The following SOX5 variants were observed in gnomAD, a reference collection of about 807,000 sequenced individuals.
The protein encoded by SOX5 is transcription factor SOX-5.
In SOX5, 9 loss-of-function variants were observed where a neutral mutation model predicts 92.0. The observed-to-expected ratio is 0.10, with a 90% CI of 0.06 to 0.17. SOX5 has a LOEUF of 0.17. SOX5 is among the 10% of genes least tolerant of loss of function. The pLI is 1.00. For missense variants in SOX5, 642 were observed against 944.5 expected (o/e 0.68, Z 4.20); for synonymous variants, 344 against 336.3 (o/e 1.02, Z -0.25).
intron 2 of SOX5, among the ~76,000 whole-genome samples, chr12:24,284,878 A>T (rs1945663879): frequency 6.6e-6 from 1 of 152,210 alleles, no homozygotes; most frequent in Admixed American, 6.5e-5. Flanking sequence ...TAATCCCAGC[A>T]CTTCGGGACG....
At chr12:24,376,689 C>CTTTTTTTTTTTTTTTTT (rs1480014070) in intron 1 of SOX5, among the ~76,000 whole-genome samples, 3 of 93,084 alleles carry the variant, frequency 3.2e-5, no homozygotes, top group Admixed American at 1.3e-4. Flanking sequence ...GGGAGAGATA[C>CTTTTTTTTTTTTTTTTT]CTTTTTTTTT....
intron 4 of SOX5, among the ~76,000 whole-genome samples, chr12:24,069,898 C>T (rs889896647): frequency 6.6e-6 from 1 of 152,194 alleles, no homozygotes; most frequent in Non-Finnish European, 1.5e-5. Context: ...ACAGCTACTA[C>T]ACAAATGGGG....
At chr12:24,058,078 A>G (rs1193273458) in intron 4 of SOX5, among the ~76,000 whole-genome samples, 1 of 152,260 alleles carries the variant, frequency 6.6e-6, no homozygotes, top group Non-Finnish European at 1.5e-5. Context: ...AGCTCAGCAT[A>G]GCTTTTATCT....
chr12:24,551,347 G>A (rs75738098), intron 1 of SOX5, among the ~76,000 whole-genome samples: 11 of 152,214 alleles, frequency 7.2e-5, no homozygotes, highest in African/African-American at 2.7e-4. Flanking sequence ...CTTGGTGACA[G>A]ACAATCAGAT....
At chr12:24,320,255 T>C (rs996026129) in intron 2 of SOX5, among the ~76,000 whole-genome samples, 3 of 152,248 alleles carry the variant, frequency 2.0e-5, no homozygotes, top group African/African-American at 7.2e-5. Flanking sequence ...TTTTATAAAA[T>C]GTTCCCTCCT....
At chr12:23,954,989 A>G (rs967047573), upstream of SOX5, among the ~76,000 whole-genome samples, 2 of 152,144 alleles carry the variant, frequency 1.3e-5, no homozygotes, top group African/African-American at 4.8e-5. Flanking sequence ...GATACATAAT[A>G]AAAGCCATTA....
chr12:23,599,524 CTT>C (rs755319896), intron 9 of SOX5, among the ~76,000 whole-genome samples: 4 of 152,242 alleles, frequency 2.6e-5, no homozygotes, highest in Non-Finnish European at 5.9e-5. Context: ...GGAATTCTCT[CTT>C]GTCATCAGCT....
intron 1 of SOX5, among the ~76,000 whole-genome samples, chr12:24,408,273 CA>C (rs1484369283): frequency 1.3e-5 from 2 of 152,142 alleles, no homozygotes; most frequent in Non-Finnish European, 2.9e-5. Flanking sequence ...GTGATGCTTT[CA>C]GATTTTAATC....
chr12:23,735,840 C>T (rs1346257409), intron 5 of SOX5, among the ~76,000 whole-genome samples: 1 of 152,158 alleles, frequency 6.6e-6, no homozygotes, highest in African/African-American at 2.4e-5. Context: ...TCTACATTTA[C>T]TTAATATTAT....
chr12:23,743,487 T>A (rs1483120554), intron 4 of SOX5, among the ~76,000 whole-genome samples: 3 of 152,052 alleles, frequency 2.0e-5, no homozygotes, highest in African/African-American at 7.2e-5. Flanking sequence ...TTTTTTTATA[T>A]TTTTAGTAGA....
At chr12:24,401,628 T>A (rs1566077104) in intron 1 of SOX5, among the ~76,000 whole-genome samples, 3 of 148,386 alleles carry the variant, frequency 2.0e-5, no homozygotes, top group Non-Finnish European at 4.4e-5. Flanking sequence ...GAGGATGAAT[T>A]CTGCCCAGGA....
At chr12:23,977,835 T>A (rs548509515) in intron 4 of SOX5, among the ~76,000 whole-genome samples, 1 of 152,294 alleles carries the variant, frequency 6.6e-6, no homozygotes, top group South Asian at 2.1e-4. Flanking sequence ...ACCTATTGGT[T>A]CTAACTCTGT....
At chr12:24,322,441 T>C (rs537766180) in intron 2 of SOX5, among the ~76,000 whole-genome samples, 11 of 152,282 alleles carry the variant, frequency 7.2e-5, no homozygotes, top group South Asian at 4.1e-4. Flanking sequence ...TGATGAGCAA[T>C]TGTTATGACA....
chr12:24,035,520 T>C (rs1023435069), intron 4 of SOX5, among the ~76,000 whole-genome samples: 4 of 152,030 alleles, frequency 2.6e-5, no homozygotes, highest in Middle Eastern at 6.8e-3. Context: ...AGAAACAACA[T>C]AGAAGAAAGC....
chr12:23,553,592 G>A (rs1448906914), intron 11 of SOX5, among the ~76,000 whole-genome samples: 1 of 152,008 alleles, frequency 6.6e-6, no homozygotes, highest in African/African-American at 2.4e-5. Flanking sequence ...TATATGGTCA[G>A]GCTTCAGCCA....
intron 4 of SOX5, among the ~76,000 whole-genome samples, chr12:24,098,846 T>C (rs1360900482): frequency 6.6e-6 from 1 of 152,170 alleles, no homozygotes; most frequent in East Asian, 1.9e-4. Flanking sequence ...ATTAGCCATG[T>C]GTCCATATGC....
chr12:24,128,395 T>C (rs767358604), intron 4 of SOX5, among the ~76,000 whole-genome samples: 1 of 151,936 alleles, frequency 6.6e-6, no homozygotes, highest in Non-Finnish European at 1.5e-5. Context: ...AGAGAGGAAA[T>C]AAACAGTCAA....
chr12:23,895,602 A>G (rs2097169163), intron 2 of SOX5, among the ~76,000 whole-genome samples, 191 bp downstream of exon 2: 1 of 152,226 alleles, frequency 6.6e-6, no homozygotes, highest in Non-Finnish European at 1.5e-5. Flanking sequence ...AAAATACAAA[A>G]GAAACGAAAA....
intron 1 of SOX5, among the ~76,000 whole-genome samples, chr12:24,447,527 T>G (rs938422108): frequency 5.9e-5 from 9 of 151,684 alleles, no homozygotes; most frequent in African/African-American, 1.9e-4. Flanking sequence ...AAAATGACAC[T>G]ACGGAAAAAA....
Sources: gnomAD v4.1 joint callset for allele counts (sites outside exome capture counted in the v4.1 genomes callset) on GRCh38, gnomAD v4.1.1 for gene constraint, MANE v1.5 for transcripts, NCBI Gene and HGNC (gene_info 2026-07-23, HGNC 2026-07-21) for gene names.